ANKRD36: variants seen among roughly 807,000 people sequenced by gnomAD.
ANKRD36 encodes ankyrin repeat domain-containing protein 36A.
Under a neutral mutation model 278.1 loss-of-function variants are expected in ANKRD36, and 179 were observed. That is an observed-to-expected ratio of 0.64 (90% CI 0.57 to 0.73). The LOEUF (loss-of-function observed/expected upper bound fraction) is 0.73, where lower values mean the gene tolerates loss of function less well. ANKRD36 is among the 30% of genes least tolerant of loss of function. The pLI is 0.00. For synonymous variants in ANKRD36, 320 were observed against 641.1 expected (o/e 0.50, Z 7.57); for missense variants, 1,159 against 1,956.7 (o/e 0.59, Z 7.69).
At chr2:97,167,342 G>A (rs1046684605) in intron 20 of ANKRD36, among the ~76,000 whole-genome samples, 5 of 152,092 alleles carry the variant, frequency 3.3e-5, no homozygotes, top group African/African-American at 1.2e-4. Context: ...TGGTTCTTGG[G>A]TGATTTTCTT....
chr2:97,158,502 A>G, intron 16 of ANKRD36, 86 bp from the exon 17 acceptor site: 1 of 1,428,050 alleles, frequency 7.0e-7, no homozygotes, highest in East Asian at 2.5e-5. Flanking sequence ...GCTGGGATTA[A>G]AGCTGTGAGC....
Position 97,113,578 on chromosome 2 carries a change from C to T in ANKRD36, c.-162C>T, listed in dbSNP as rs889192292. ...GCTAAGGTGCGCGTGCTCGCTGGTT[C>T]TAACCCTTCTGTTGGGCGTTTCTGC... is the stretch of plus-strand genomic sequence containing the variant. On this transcript the variant is annotated 5_prime_UTR_variant, in exon 1 of 76. Coordinates refer to ENST00000420699, the MANE Select transcript of ANKRD36 (RefSeq NM_001354587.1). 9.3e-6 allele frequency: 8 copies of T among 864,362 alleles called. No homozygotes were observed. The highest frequency in any genetic ancestry group is 3.4e-5 in the African/African-American group (2 of 58,810). 53.5% of individuals were successfully genotyped at this position (864,362 alleles called of 1,614,324 possible).
At chr2:97,165,184 T>C (rs1194479464) in intron 20 of ANKRD36, among the ~76,000 whole-genome samples, 5 of 152,212 alleles carry the variant, frequency 3.3e-5, no homozygotes, top group Non-Finnish European at 7.3e-5. Context: ...ATATGTGGAA[T>C]CTGTTTCCAA....
Position 97,135,794 on chromosome 2 carries a change from C to G in ANKRD36, c.800-6846C>G, listed in dbSNP as rs565794350. 6.6e-5 allele frequency among the ~76,000 whole-genome samples: 10 copies of G among 152,010 alleles called. No homozygotes were observed. The East Asian group carries it at 1.7e-3, about 26-fold the overall frequency. ...ATGGCTCAAATTTTGTCATACTACT[C>G]AGAATCTTAGGCAATTTAAACCTTA... On this transcript the variant is annotated intron_variant, in intron 6 of 75. Coordinates refer to ENST00000420699, the MANE Select transcript of ANKRD36 (RefSeq NM_001354587.1).
intron 50 of ANKRD36, among the ~76,000 whole-genome samples, chr2:97,204,775 C>T (rs2062388011): frequency 6.6e-6 from 1 of 151,528 alleles, no homozygotes. Context: ...TTTGGGGTTT[C>T]TGCTGAGGAA....
chr2:97,223,024 G>A (rs1303645403), intron 66 of ANKRD36, among the ~76,000 whole-genome samples: 1 of 150,424 alleles, frequency 6.6e-6, no homozygotes, highest in Non-Finnish European at 1.5e-5. Context: ...AGTATAAAAT[G>A]TTATTAATAA....
intron 1 of ANKRD36, 85 bp from the exon 2 acceptor site, chr2:97,117,979 T>G: frequency 2.0e-6 from 3 of 1,493,464 alleles, no homozygotes; most frequent in Non-Finnish European, 1.8e-6. Context: ...ACAAGAAAAT[T>G]ACATATTTGT....
intron 67 of ANKRD36, among the ~76,000 whole-genome samples, chr2:97,225,985 A>G (rs974218985): frequency 3.3e-5 from 5 of 151,810 alleles, no homozygotes; most frequent in Non-Finnish European, 4.4e-5. Context: ...ATAGTATTCC[A>G]TGGTGTCTAT....
intron 40 of ANKRD36, among the ~76,000 whole-genome samples, chr2:97,196,287 AT>A (rs1481440523): frequency 6.6e-6 from 1 of 151,816 alleles, no homozygotes; most frequent in African/African-American, 2.4e-5. Context: ...TGCTCCTCTG[AT>A]TTTAGATCAC....
intron 11 of ANKRD36, among the ~76,000 whole-genome samples, chr2:97,146,912 T>C (rs2044405558): frequency 6.6e-6 from 1 of 151,904 alleles, no homozygotes; most frequent in African/African-American, 2.4e-5. Flanking sequence ...ATATATTAAC[T>C]CTCTTTAGAG....
chr2:97,216,733 T>G (rs1267774070), intron 62 of ANKRD36: 15 of 364,076 alleles, frequency 4.1e-5, no homozygotes, highest in Middle Eastern at 9.0e-4. Flanking sequence ...CCTTCTCAGT[T>G]ATGGGGCAAG....
At chr2:97,211,267 C>T (rs865822942) in intron 56 of ANKRD36, among the ~76,000 whole-genome samples, 2 of 151,866 alleles carry the variant, frequency 1.3e-5, no homozygotes, top group African/African-American at 2.4e-5. Flanking sequence ...CCTCATCACC[C>T]GGCATATCGA....
chr2:97,169,652 G>A lies in ANKRD36; in HGVS notation c.1633+1885G>A, dbSNP rs117816948. Among the ~76,000 whole-genome samples the A allele has an allele frequency of 3.7e-3, 565 of 152,100 alleles. 6 individuals carry two copies. In the East Asian group the frequency reaches 0.057, roughly 15 times the overall value. On this transcript the variant is annotated intron_variant, in intron 22 of 75. Coordinates refer to ENST00000420699, the MANE Select transcript of ANKRD36 (RefSeq NM_001354587.1). ...CCTATACACCGATAAAAGACAAATAGCAAAATCGTGAGTGAACGCCCATTC... is the reference window on the plus strand; with the variant it reads ...CCTATACACCGATAAAAGACAAATAACAAAATCGTGAGTGAACGCCCATTC...
intron 66 of ANKRD36, among the ~76,000 whole-genome samples, chr2:97,222,228 G>A (rs1252804465): frequency 6.6e-6 from 1 of 151,880 alleles, no homozygotes; most frequent in African/African-American, 2.4e-5. Context: ...CTCCAGCTTT[G>A]TTCTTTTGGC....
At chr2:97,206,299 T>G (rs1245368970) in intron 52 of ANKRD36, among the ~76,000 whole-genome samples, 164 bp downstream of exon 52, 1 of 151,410 alleles carries the variant, frequency 6.6e-6, no homozygotes. Flanking sequence ...ATGCTGCTGG[T>G]CTGGAACATG....
At position 97,183,597 on chromosome 2, in the gene ANKRD36, A is replaced by C. The variant is rs775178399; in HGVS notation, c.1882A>C (p.Lys628Gln). 1.3e-6 allele frequency: 2 copies of C among 1,562,198 alleles called. No homozygotes were observed. Among genetic ancestry groups the C allele is most frequent in the South Asian group, 2.4e-5 (2 of 84,780 alleles). Residue 628 changes from lysine (K) to glutamine (Q), a missense_variant, in exon 28 of 76, where the codon AAA becomes CAA. Transcript: ENST00000420699. ...QSAWKVIFKKKVSLLNIATRI... is the reference protein window; with the variant it reads ...QSAWKVIFKKQVSLLNIATRI... ...TTCCATTCAGGTTATATTTAAAAAG[A>C]AAGTTTCTCTTTTGAATATTGCCAC...
intron 37 of ANKRD36, 38 bp from the exon 38 acceptor site, chr2:97,192,943 C>G: frequency 6.3e-7 from 1 of 1,591,338 alleles, no homozygotes; most frequent in East Asian, 2.3e-5. Flanking sequence ...ATGAAACATA[C>G]TTTATTAATT....
intron 26 of ANKRD36, among the ~76,000 whole-genome samples, chr2:97,182,198 C>A (rs1263565390): frequency 6.6e-6 from 1 of 150,750 alleles, no homozygotes; most frequent in African/African-American, 2.4e-5. Flanking sequence ...AGAACGAGAG[C>A]TAAGGAGACC....
At position 97,191,107 on chromosome 2, in the gene ANKRD36, A is replaced by T. The variant is rs755662287; in HGVS notation, c.2275-2A>T. The T allele has an allele frequency of 1.3e-6, 2 of 1,595,922 alleles. No individual in the cohort carries two copies. Among genetic ancestry groups the T allele is most frequent in the South Asian group, 2.2e-5 (2 of 88,952 alleles). Reference sequence around the variant, plus strand: ...TATTACTTTCTTTCAAATTCCATTCAGGCTACAACTGATGAGAAAGATTCT... The same window carrying T: ...TATTACTTTCTTTCAAATTCCATTCTGGCTACAACTGATGAGAAAGATTCT... On this transcript the variant is annotated splice_acceptor_variant, in intron 35 of 75. Transcript: ENST00000420699. LOFTEE classifies it high-confidence loss of function.
Sources: allele counts gnomAD v4.1 joint callset (sites outside exome capture counted in the v4.1 genomes callset), GRCh38; gene constraint gnomAD v4.1.1; transcripts MANE v1.5; gene names NCBI Gene and HGNC (gene_info 2026-07-23, HGNC 2026-07-21).